EAPP: variants seen among roughly 807,000 people sequenced by gnomAD.
EAPP encodes the protein E2F-associated phosphoprotein.
Under a neutral mutation model 34.3 loss-of-function variants are expected in EAPP, and 38 were observed. That is an observed-to-expected ratio of 1.11 (90% CI 0.85 to 1.45). The LOEUF is 1.45. EAPP is among the 40% of genes most tolerant of loss of function. EAPP has a pLI of 0.00. For synonymous variants in EAPP, 113 were observed against 117.6 expected (o/e 0.96, Z 0.25); for missense variants, 338 against 343.7 (o/e 0.98, Z 0.13).
intron 3 of EAPP, among the ~76,000 whole-genome samples, chr14:34,532,407 C>A (rs61981529): frequency 0.39 from 59,555 of 150,914 alleles, 12,857 homozygotes; most frequent in East Asian, 0.68. Context: ...TGCAGTGAAC[C>A]AAGATGGTGG....
chr14:34,539,672 G>T lies in EAPP; in HGVS notation c.-44C>A, dbSNP rs1309653527. On this transcript the variant is annotated 5_prime_UTR_variant, in exon 1 of 6. Transcript: ENST00000250454. ...ACACCGTCCACAAGCAATTTGCAGCGTCTCTGTTTACACTGCAAGTCCAGT... is the reference window on the plus strand; with the variant it reads ...ACACCGTCCACAAGCAATTTGCAGCTTCTCTGTTTACACTGCAAGTCCAGT... The T allele has an allele frequency of 4.0e-6, 6 of 1,503,496 alleles. No individual in the cohort carries two copies. In the South Asian group the frequency reaches 7.8e-5, roughly 19 times the overall value. 93.1% of individuals were successfully genotyped at this position (1,503,496 alleles called of 1,614,324 possible).
At chr14:34,524,915 T>A in intron 4 of EAPP, 108 bp from the exon 5 acceptor site, 1 of 793,848 alleles carries the variant, frequency 1.3e-6, no homozygotes, top group Non-Finnish European at 2.1e-6. Flanking sequence ...AAATGGCTAA[T>A]TCTAGGAATA....
chr14:34,524,952 C>G (rs1844644798), intron 4 of EAPP, 145 bp from the exon 5 acceptor site: 1 of 610,498 alleles, frequency 1.6e-6, no homozygotes, highest in African/African-American at 1.9e-5. Context: ...CCTGGAGCAT[C>G]TTTTAGTGCC....
At chr14:34,517,876 G>A (rs980911353) in intron 5 of EAPP, among the ~76,000 whole-genome samples, 11 of 151,792 alleles carry the variant, frequency 7.2e-5, no homozygotes, top group Admixed American at 1.3e-4. Context: ...CCGGGTTCAA[G>A]CGATTCTCCT....
chr14:34,521,438 T>A (rs1484206071), intron 5 of EAPP, among the ~76,000 whole-genome samples: 2 of 151,988 alleles, frequency 1.3e-5, no homozygotes, highest in African/African-American at 4.8e-5. Flanking sequence ...TGAGTACCAA[T>A]TCTTAGATTT....
At chr14:34,536,790 C>T (rs1009075028) in intron 1 of EAPP, among the ~76,000 whole-genome samples, 14 of 151,658 alleles carry the variant, frequency 9.2e-5, no homozygotes, top group African/African-American at 3.1e-4. Flanking sequence ...TTCTGCTCAC[C>T]GCAACCTCCA....
chr14:34,522,909 C>T (rs2138888135), intron 5 of EAPP, among the ~76,000 whole-genome samples: 1 of 152,230 alleles, frequency 6.6e-6, no homozygotes, highest in South Asian at 2.1e-4. Context: ...AGATCTCTTA[C>T]CAGAGAACTC....
intron 4 of EAPP, among the ~76,000 whole-genome samples, chr14:34,525,739 G>T (rs1468691496): frequency 1.3e-5 from 2 of 152,212 alleles, no homozygotes; most frequent in Non-Finnish European, 2.9e-5. Flanking sequence ...ATGTATCAAG[G>T]CCGGGCTCGG....
Position 34,516,061 on chromosome 14 carries a change from C to T in EAPP, c.*249G>A, listed in dbSNP as rs902780131. On this transcript the variant is annotated 3_prime_UTR_variant, in exon 6 of 6. Transcript: ENST00000250454. ...TTCTACAGAGCTTTAATAAAAAGCC[C>T]GACAGTTTCCAAATGTTCATCAAAA... 1.8e-5 allele frequency: 7 copies of T among 386,766 alleles called. No individual in the cohort carries two copies. Among genetic ancestry groups the T allele is most frequent in the African/African-American group, 1.2e-4 (6 of 48,352 alleles). The allele number at this position is 386,766 out of a possible 1,614,324, so 24.0% of individuals were successfully genotyped here.
At chr14:34,524,160 C>T (rs766196548) in intron 5 of EAPP, among the ~76,000 whole-genome samples, 2 of 152,038 alleles carry the variant, frequency 1.3e-5, no homozygotes, top group Non-Finnish European at 1.5e-5. Flanking sequence ...GGGAGGCCAA[C>T]GCAAGTGGAT....
At position 34,536,194 on chromosome 14, in the gene EAPP, T is replaced by G; in HGVS notation, c.156A>C (p.Glu52Asp). The G allele has an allele frequency of 6.2e-7, 1 of 1,613,128 alleles. No homozygotes were observed. Among genetic ancestry groups the G allele is most frequent in the Non-Finnish European group, 8.5e-7 (1 of 1,179,674 alleles). ...RKLIRECLTG[E>D]SESSSEDEFE... is the part of the protein sequence containing the mutation. ...ATTCATCTTCACTAGATGATTCACT[T>G]TCTCCGGTAAGACATTCTCTGATGA... Residue 52 changes from glutamate to aspartate, a missense_variant, in exon 2 of 6, where the codon GAA (glutamate) becomes GAC (aspartate). Glu to Asp is a conservative substitution (Grantham distance 45). Transcript: ENST00000250454.
At chr14:34,524,565 G>A (rs113569549) in intron 5 of EAPP, 132 bp downstream of exon 5, 25,619 of 665,142 alleles carry the variant, frequency 0.039, 605 homozygotes, top group Middle Eastern at 0.078. Context: ...GCAGTGAGGC[G>A]AGATTGTGCC....
intron 1 of EAPP, among the ~76,000 whole-genome samples, chr14:34,537,789 A>G (rs1447897363): frequency 6.6e-6 from 1 of 152,240 alleles, no homozygotes; most frequent in East Asian, 1.9e-4. Context: ...CATGATGCTC[A>G]TGCTGCTTGC....
In EAPP at chr14:34,529,427, T is replaced by A. The variant is rs1255739975; in HGVS notation, c.401A>T (p.Asn134Ile). 2.5e-6 allele frequency: 4 copies of A among 1,613,384 alleles called. No individual in the cohort carries two copies. The Admixed American group carries it at 6.7e-5, about 27-fold the overall frequency. The stretch of plus-strand genomic sequence containing the variant: ...TTCAGGATCATACAGTAATTCGTCA[T>A]TTGTTGGAATCTTGTGTTGTTTCTT... The part of the protein sequence containing the change: ...KKKKQHKIPT[N>I]DELLYDPEKD... Residue 134 changes from asparagine to isoleucine, a missense_variant, in exon 4 of 6, where the codon AAT (asparagine) becomes ATT (isoleucine). Asn to Ile is a moderately radical substitution (Grantham distance 149). Coordinates refer to ENST00000250454, the MANE Select transcript of EAPP (RefSeq NM_018453.4).
At chr14:34,526,194 G>A (rs894835427) in intron 4 of EAPP, among the ~76,000 whole-genome samples, 8 of 152,134 alleles carry the variant, frequency 5.3e-5, no homozygotes, top group African/African-American at 1.9e-4. Flanking sequence ...ACTTTGGGAG[G>A]CTGAGGTGGG....
intron 1 of EAPP, among the ~76,000 whole-genome samples, chr14:34,536,666 C>T (rs1171505031): frequency 2.6e-5 from 4 of 151,608 alleles, no homozygotes; most frequent in African/African-American, 4.8e-5. Context: ...TAATTTTTGT[C>T]GAAATGGGGT....
intron 1 of EAPP, 51 bp downstream of exon 1, chr14:34,539,504 A>G: frequency 6.3e-7 from 1 of 1,583,588 alleles, no homozygotes; most frequent in South Asian, 1.1e-5. Flanking sequence ...AGGCGACCAA[A>G]GCCAGGCCTC....
chr14:34,518,896 T>G (rs1305458064), intron 5 of EAPP, among the ~76,000 whole-genome samples: 1 of 152,158 alleles, frequency 6.6e-6, no homozygotes, highest in Non-Finnish European at 1.5e-5. Flanking sequence ...AGCATATAGT[T>G]GAGTCTTGTT....
At chr14:34,532,975 C>T (rs953674943) in intron 3 of EAPP, among the ~76,000 whole-genome samples, 2 of 151,854 alleles carry the variant, frequency 1.3e-5, no homozygotes, top group Non-Finnish European at 2.9e-5. Flanking sequence ...CCATGCCCAG[C>T]CCCCAGTTTT....
Sources: gnomAD v4.1 joint callset for allele counts (sites outside exome capture counted in the v4.1 genomes callset) on GRCh38, gnomAD v4.1.1 for gene constraint, MANE v1.5 for transcripts, NCBI Gene and HGNC (gene_info 2026-07-23, HGNC 2026-07-21) for gene names.